RFX3: variants seen among roughly 807,000 people sequenced by gnomAD.
RFX3 encodes the protein transcription factor RFX3.
Under a neutral mutation model 98.6 loss-of-function variants are expected in RFX3, and 14 were observed. The observed-to-expected ratio is 0.14, with a 90% confidence interval of 0.09 to 0.22. The LOEUF is 0.22. RFX3 is among the 10% of genes least tolerant of loss of function. RFX3 has a pLI of 1.00. For synonymous variants in RFX3, 383 were observed against 328.4 expected (o/e 1.17, Z -1.80); for missense variants, 639 against 926.9 (o/e 0.69, Z 4.03).
intron 3 of RFX3, among the ~76,000 whole-genome samples, chr9:3,337,657 A>G (rs1833348187): frequency 6.6e-6 from 1 of 152,188 alleles, no homozygotes; most frequent in African/African-American, 2.4e-5. Flanking sequence ...TGGTGTCTGT[A>G]CTGCACTATC....
Position 3,219,718 on chromosome 9 carries a change from T to A in RFX3, c.*5324A>T, listed in dbSNP as rs771020347. On this transcript the variant is annotated 3_prime_UTR_variant, in exon 17 of 17. Transcript: ENST00000617270. ...GAGAAGCATTTACAGTAAATCATCA[T>A]GAAGAATTCAAAAGAAGAGAGTTAA... The A allele has an allele frequency of 6.6e-6, 1 of 152,108 alleles. No individual in the cohort carries two copies. The highest frequency in any genetic ancestry group is 1.5e-5 in the Non-Finnish European group (1 of 68,008). The allele number at this position is 152,108 out of a possible 1,614,324, so 9.4% of individuals were successfully genotyped here. A position where few individuals can be genotyped will look rare whatever the true frequency, so the allele number is the denominator to read the frequency against.
Position 3,524,607 on chromosome 9 carries a change from A to T in RFX3, c.-9+1140T>A, listed in dbSNP as rs1001936640. ...CATAACTGTCACAAATAACACTGTG[A>T]ACTGAGTTCTCACAAAGCTTCCTTG... is the stretch of plus-strand genomic sequence containing the variant. On this transcript the variant is annotated intron_variant, in intron 1 of 16. Coordinates refer to ENST00000617270, the MANE Select transcript of RFX3 (RefSeq NM_001282116.2). 3 of 984,154 alleles carry T rather than the reference A, an allele frequency of 3.0e-6. No homozygotes were observed. In the African/African-American group the frequency reaches 5.2e-5, roughly 17 times the overall value. 61.0% of individuals were successfully genotyped at this position (984,154 alleles called of 1,614,324 possible).
chr9:3,511,164 C>A (rs1294816857), intron 1 of RFX3, among the ~76,000 whole-genome samples: 1 of 151,952 alleles, frequency 6.6e-6, no homozygotes, highest in Non-Finnish European at 1.5e-5. Context: ...TTATTTAATG[C>A]ACTGTATTTA....
intron 1 of RFX3, chr9:3,524,445 A>T: frequency 1.2e-6 from 1 of 840,574 alleles, no homozygotes; most frequent in Non-Finnish European, 1.4e-6. Context: ...ACACATGCCT[A>T]GATCTTAACC....
intron 8 of RFX3, 126 bp from the exon 9 acceptor site, chr9:3,275,738 G>T (rs1433902344): frequency 9.5e-6 from 5 of 527,320 alleles, no homozygotes; most frequent in African/African-American, 5.8e-5. Flanking sequence ...CAGAGAGCAA[G>T]GACATTTTAT....
intron 4 of RFX3, among the ~76,000 whole-genome samples, chr9:3,312,261 G>C (rs938464531): frequency 1.3e-5 from 2 of 152,140 alleles, no homozygotes; most frequent in African/African-American, 4.8e-5. Flanking sequence ...TGAGTATTGG[G>C]CCACAATGTA....
intron 4 of RFX3, chr9:3,323,932 G>A (rs1048488098): frequency 2.9e-6 from 1 of 343,736 alleles, no homozygotes; most frequent in Non-Finnish European, 6.7e-6. Flanking sequence ...CAGCTGAATG[G>A]AATACAGATG....
chr9:3,273,538 T>A (rs1824787103), intron 9 of RFX3, among the ~76,000 whole-genome samples: 1 of 152,162 alleles, frequency 6.6e-6, no homozygotes, highest in Admixed American at 6.5e-5. Flanking sequence ...TGCTCCAACT[T>A]ACATTCTTAA....
At position 3,342,802 on chromosome 9, in the gene RFX3, T is replaced by C. The variant is rs150123786; in HGVS notation, c.215+3865A>G. Among the ~76,000 whole-genome samples the C allele has an allele frequency of 7.6e-3, 1,152 of 152,258 alleles. 8 individuals carry two copies. The highest frequency in any genetic ancestry group is 0.026 in the African/African-American group (1,090 of 41,546). On this transcript the variant is annotated intron_variant, in intron 3 of 16. Transcript: ENST00000617270. ...AAATATCATAAGTAGTAAGAATTTATAGAAATAAAGATGATGATCAAGCCT... is the reference window on the plus strand; with the variant it reads ...AAATATCATAAGTAGTAAGAATTTACAGAAATAAAGATGATGATCAAGCCT...
At chr9:3,231,294 G>C (rs113883571) in intron 15 of RFX3, among the ~76,000 whole-genome samples, 75 of 152,198 alleles carry the variant, frequency 4.9e-4, no homozygotes, top group African/African-American at 1.5e-3. Context: ...TGAAGGTAAA[G>C]GCTTTTATAT....
intron 1 of RFX3, among the ~76,000 whole-genome samples, chr9:3,427,671 C>A (rs1028111358): frequency 6.6e-6 from 1 of 151,680 alleles, no homozygotes; most frequent in African/African-American, 2.4e-5. Flanking sequence ...GTTTCTCAAG[C>A]TCCTCTCTTT....
chr9:3,265,019 C>T (rs994625951), intron 12 of RFX3, among the ~76,000 whole-genome samples: 3 of 152,170 alleles, frequency 2.0e-5, no homozygotes, highest in African/African-American at 7.2e-5. Flanking sequence ...TTCTTGCACA[C>T]CTCCATGTGG....
At chr9:3,429,684 G>A (rs1844470340) in intron 1 of RFX3, among the ~76,000 whole-genome samples, 1 of 152,142 alleles carries the variant, frequency 6.6e-6, no homozygotes. Context: ...TATTTGGGCA[G>A]GCCGATAATT....
intron 1 of RFX3, among the ~76,000 whole-genome samples, chr9:3,495,137 T>C (rs1301950680): frequency 6.6e-6 from 1 of 151,716 alleles, no homozygotes; most frequent in Non-Finnish European, 1.5e-5. Flanking sequence ...TATTATACTT[T>C]CCCCTATTCA....
intron 1 of RFX3, among the ~76,000 whole-genome samples, chr9:3,468,099 G>A (rs1233273341): frequency 6.6e-6 from 1 of 152,158 alleles, no homozygotes; most frequent in Non-Finnish European, 1.5e-5. Flanking sequence ...TTACAGACAT[G>A]TGAAAATGGG....
chr9:3,401,346 A>G (rs1347588134), intron 1 of RFX3, among the ~76,000 whole-genome samples: 1 of 152,174 alleles, frequency 6.6e-6, no homozygotes, highest in African/African-American at 2.4e-5. Flanking sequence ...ATTTCTGCAA[A>G]GTAAGGATCA....
intron 1 of RFX3, among the ~76,000 whole-genome samples, chr9:3,415,116 A>ATTCT (rs1842869050): frequency 4.3e-5 from 4 of 91,998 alleles, no homozygotes; most frequent in South Asian, 2.7e-4. Flanking sequence ...GTATATATAT[A>ATTCT]TACTTATATA....
At chr9:3,509,861 G>A (rs752982403) in intron 1 of RFX3, among the ~76,000 whole-genome samples, 4 of 151,854 alleles carry the variant, frequency 2.6e-5, no homozygotes, top group South Asian at 2.1e-4. Flanking sequence ...GCTGGAGTTC[G>A]ACAGTCCTAA....
intron 1 of RFX3, among the ~76,000 whole-genome samples, chr9:3,444,095 C>G (rs540285481): frequency 6.6e-6 from 1 of 152,166 alleles, no homozygotes; most frequent in South Asian, 2.1e-4. Context: ...AAGCATTTGT[C>G]CAAAATCATG....
Sources: gnomAD v4.1 joint callset for allele counts (sites outside exome capture counted in the v4.1 genomes callset) on GRCh38, gnomAD v4.1.1 for gene constraint, MANE v1.5 for transcripts, NCBI Gene and HGNC (gene_info 2026-07-23, HGNC 2026-07-21) for gene names.